The following ORC5 variants were observed in gnomAD, a reference collection of about 807,000 sequenced individuals.
ORC5 encodes the protein protein phosphatase 1, regulatory subunit 117.
In ORC5, 39 loss-of-function variants were observed where a neutral mutation model predicts 58.8. That is an observed-to-expected ratio of 0.66 (90% CI 0.51 to 0.87). The LOEUF (loss-of-function observed/expected upper bound fraction) is 0.87, where lower values mean the gene tolerates loss of function less well. ORC5 is among the 40% of genes least tolerant of loss of function. The probability of loss-of-function intolerance (pLI) is 0.00; values close to 1 mark genes in which losing one functional copy is unlikely to be tolerated. For missense variants in ORC5, 493 were observed against 506.3 expected (o/e 0.97, Z 0.25); for synonymous variants, 218 against 177.6 (o/e 1.23, Z -1.81).
intron 9 of ORC5, 33 bp from the exon 10 acceptor site, chr7:104,166,917 T>C (rs372631290): frequency 8.2e-7 from 1 of 1,223,284 alleles, no homozygotes; most frequent in Middle Eastern, 1.9e-4. Context: ...GAAGTACTTA[T>C]TAGGCTAACA....
At chr7:104,132,582 TC>T (rs1482797191) in intron 13 of ORC5, among the ~76,000 whole-genome samples, 6 of 152,120 alleles carry the variant, frequency 3.9e-5, no homozygotes, top group Non-Finnish European at 8.8e-5. Context: ...TTCATATGGT[TC>T]CCCTTCATCT....
intron 12 of ORC5, among the ~76,000 whole-genome samples, chr7:104,140,039 T>C (rs1479154902): frequency 6.6e-6 from 1 of 152,098 alleles, no homozygotes; most frequent in Admixed American, 6.5e-5. Flanking sequence ...TATTCTCCAG[T>C]AATGTCTTAG....
At chr7:104,153,951 C>CA (rs1186495114) in intron 12 of ORC5, among the ~76,000 whole-genome samples, 1 of 151,832 alleles carries the variant, frequency 6.6e-6, no homozygotes, top group Non-Finnish European at 1.5e-5. Context: ...ATGTAATATG[C>CA]AAATTAACTT....
chr7:104,131,835 G>A (rs533797736), intron 13 of ORC5, among the ~76,000 whole-genome samples: 1 of 146,216 alleles, frequency 6.8e-6, no homozygotes, highest in East Asian at 2.0e-4. Context: ...CTGGGTGACA[G>A]AGTGAGATTC....
chr7:104,137,955 T>C (rs1463773427), intron 12 of ORC5, among the ~76,000 whole-genome samples: 2 of 152,180 alleles, frequency 1.3e-5, no homozygotes, highest in Admixed American at 1.3e-4. Flanking sequence ...AAGCCACCTA[T>C]AGATGGCAAA....
intron 2 of ORC5, among the ~76,000 whole-genome samples, chr7:104,201,734 A>C (rs1799948613): frequency 1.6e-5 from 2 of 127,508 alleles, no homozygotes; most frequent in South Asian, 5.1e-4. Flanking sequence ...ATAAACGTTT[A>C]CTAAGTCAAA....
At chr7:104,171,281 A>T (rs1799206437) in intron 8 of ORC5, among the ~76,000 whole-genome samples, 1 of 152,158 alleles carries the variant, frequency 6.6e-6, no homozygotes, top group African/African-American at 2.4e-5. Context: ...TTTCTTCCTA[A>T]ATAATACCTT....
chr7:104,128,162 G>A (rs763662963), intron 13 of ORC5, among the ~76,000 whole-genome samples: 8 of 152,040 alleles, frequency 5.3e-5, no homozygotes, highest in Non-Finnish European at 1.2e-4. Context: ...TTGCTCTGTC[G>A]CCCAGGCTGG....
chr7:104,168,612 T>A, intron 8 of ORC5, 87 bp from the exon 9 acceptor site: 4 of 666,332 alleles, frequency 6.0e-6, no homozygotes, highest in Non-Finnish European at 9.4e-6. Context: ...AAAAACTAAA[T>A]TTTTTTATTT....
chr7:104,136,795 G>A lies in ORC5; in HGVS notation c.1248C>T (p.Ile416=), dbSNP rs151321799. Residue 416 remains isoleucine (I), a synonymous_variant, in exon 13 of 14, where the codon ATC becomes ATT. Transcript: ENST00000297431. This position sits in a 1 kb window ranked among gnomAD's most constrained non-coding sequence, Gnocchi z 4.2. ...AGACATTTTACCTTGCAATAGCTCT[G>A]ATGAAGTCTAGAGACACTGTGCATT... is the stretch of plus-strand genomic sequence containing the variant. ...KYKCTVSLDF[I]RAIARTVNFD... The A allele has an allele frequency of 4.3e-6, 7 of 1,609,664 alleles. No homozygotes were observed. Among genetic ancestry groups the A allele is most frequent in the Non-Finnish European group, 6.0e-6 (7 of 1,176,038 alleles).
intron 13 of ORC5, among the ~76,000 whole-genome samples, chr7:104,128,342 C>G (rs571619484): frequency 5.9e-5 from 9 of 152,194 alleles, no homozygotes; most frequent in African/African-American, 1.7e-4. Context: ...AGGCTGGTCT[C>G]GAACTCCTGA....
In ORC5 at chr7:104,138,998, G is replaced by A. The variant is rs1314895948; in HGVS notation, c.1150-2105C>T. ...GCTGATCCAAGAGCTGAAATTCTTT[G>A]AGCGCCCATTGTCTTCTCCTAATTT... On this transcript the variant is annotated intron_variant, in intron 12 of 13. Coordinates refer to ENST00000297431, the MANE Select transcript of ORC5 (RefSeq NM_002553.4). The surrounding 1 kb of genome is among the most constrained non-coding windows in gnomAD (Gnocchi z 4.7). Among the ~76,000 whole-genome samples, 47 of 152,170 alleles carry A rather than the reference G, an allele frequency of 3.1e-4. No individual in the cohort carries two copies. Among genetic ancestry groups the A allele is most frequent in the Admixed American group, 2.4e-3 (37 of 15,276 alleles).
chr7:104,187,855 T>C, intron 6 of ORC5: 1 of 989,002 alleles, frequency 1.0e-6, no homozygotes, highest in Non-Finnish European at 1.2e-6. Flanking sequence ...ACCGCATACA[T>C]AAAACTTGAA....
intron 12 of ORC5, among the ~76,000 whole-genome samples, chr7:104,146,671 T>C (rs1433532702): frequency 1.3e-5 from 2 of 152,208 alleles, no homozygotes; most frequent in East Asian, 1.9e-4. Flanking sequence ...GAGGAAGGTA[T>C]GGTCATCAGT....
At chr7:104,179,842 CT>C (rs1299429888) in intron 8 of ORC5, among the ~76,000 whole-genome samples, 2 of 152,162 alleles carry the variant, frequency 1.3e-5, no homozygotes, top group African/African-American at 4.8e-5. Context: ...GCTTTCAACT[CT>C]TTCTCCCCTT....
intron 9 of ORC5, 70 bp downstream of exon 9, chr7:104,168,403 T>C (rs1799143401): frequency 6.4e-7 from 1 of 1,570,940 alleles, no homozygotes; most frequent in Admixed American, 1.8e-5. Flanking sequence ...CTCTTTAGTA[T>C]TAACTTTAGT....
At chr7:104,207,368 G>C (rs1562834145) in intron 1 of ORC5, among the ~76,000 whole-genome samples, 1 of 152,170 alleles carries the variant, frequency 6.6e-6, no homozygotes, top group Non-Finnish European at 1.5e-5. Context: ...GGAAAAGCCA[G>C]TAAATTTTTA....
chr7:104,196,047 T>C (rs1292625825), intron 4 of ORC5, among the ~76,000 whole-genome samples: 1 of 152,234 alleles, frequency 6.6e-6, no homozygotes, highest in Non-Finnish European at 1.5e-5. Flanking sequence ...ATCAAGCATG[T>C]TTGCAGAAAT....
intron 12 of ORC5, among the ~76,000 whole-genome samples, chr7:104,145,850 G>A (rs1055907283): frequency 6.6e-5 from 10 of 152,158 alleles, no homozygotes; most frequent in South Asian, 6.2e-4. Flanking sequence ...ACAACTGAGC[G>A]GCAAAAGGCT....
Sources: gnomAD v4.1 joint callset for allele counts (sites outside exome capture counted in the v4.1 genomes callset) on GRCh38, gnomAD v4.1.1 for gene constraint, Gnocchi (gnomAD v3.1) non-coding constraint, MANE v1.5 for transcripts, NCBI Gene and HGNC (gene_info 2026-07-23, HGNC 2026-07-21) for gene names.